Variants in TMCO4 observed in about 807,000 individuals in gnomAD.
TMCO4 encodes the protein transmembrane and coiled-coil domain-containing protein 4.
In TMCO4, 58 loss-of-function variants were observed where a neutral mutation model predicts 64.7. The observed-to-expected ratio is 0.90, with a 90% CI of 0.73 to 1.12. The LOEUF is 1.12. Among genes scored for constraint, TMCO4 ranks in the 50% most tolerant of loss-of-function variants. TMCO4 has a pLI of 0.00. For missense variants in TMCO4, 780 were observed against 825.9 expected, an observed-to-expected ratio of 0.94 and a Z score of 0.68; for synonymous variants, 325 against 346.1, an observed-to-expected ratio of 0.94 and a Z score of 0.68.
At chr1:19,700,279 C>G (rs2100611100) in intron 14 of TMCO4, among the ~76,000 whole-genome samples, 1 of 152,278 alleles carries the variant, frequency 6.6e-6, no homozygotes, top group Admixed American at 6.5e-5. Context: ...CTCCTGCACG[C>G]TGGCGGCCTC....
At chr1:19,696,264 C>T (rs1012093355) in intron 14 of TMCO4, among the ~76,000 whole-genome samples, 2 of 152,156 alleles carry the variant, frequency 1.3e-5, no homozygotes, top group Non-Finnish European at 2.9e-5. Context: ...TAAGAATGGA[C>T]GGTTGCAGGG....
At chr1:19,706,940 C>T (rs1011519305) in intron 13 of TMCO4, among the ~76,000 whole-genome samples, 1 of 152,122 alleles carries the variant, frequency 6.6e-6, no homozygotes, top group Non-Finnish European at 1.5e-5. Flanking sequence ...CTATATATGT[C>T]CTAAAAATCA....
At chr1:19,796,686 T>C (rs1257349112) in intron 2 of TMCO4, among the ~76,000 whole-genome samples, 5 of 152,142 alleles carry the variant, frequency 3.3e-5, no homozygotes, top group Non-Finnish European at 7.4e-5. Context: ...GCGATTCTCC[T>C]GCCTCAGCTT....
chr1:19,755,660 C>T lies in TMCO4; in HGVS notation c.489G>A (p.Leu163=). 2 of 1,614,146 alleles carry T rather than the reference C, an allele frequency of 1.2e-6. No individual in the cohort carries two copies. Among genetic ancestry groups the T allele is most frequent in the Non-Finnish European group, 8.5e-7 (1 of 1,180,020 alleles). ...DVLEEMFLES[L]KEIKEEESEM... is the part of the protein sequence containing the mutation. ...CAGATTCCTCTTCTTTGATTTCCTT[C>T]AGGCTCTCCAGGAACATCTCTTCAA... The change falls in exon 7 of 16, where the codon CTG becomes CTA. Residue 163 remains leucine, a synonymous_variant. Coordinates refer to ENST00000294543, the MANE Select transcript of TMCO4 (RefSeq NM_181719.7).
chr1:19,683,028 C>T lies in TMCO4; in HGVS notation c.*12G>A, dbSNP rs1269885093. ...GGAGACTGGGGAAGACGGCTCAGGT[C>T]CCCTGCTGTGGTCAGTCCAGCCCCG... On this transcript the variant is annotated 3_prime_UTR_variant, in exon 16 of 16. Transcript: ENST00000294543. 2 of 1,545,596 alleles carry T rather than the reference C, an allele frequency of 1.3e-6. No individual in the cohort carries two copies. The highest frequency in any genetic ancestry group is 1.7e-6 in the Non-Finnish European group (2 of 1,150,198).
intron 4 of TMCO4, among the ~76,000 whole-genome samples, chr1:19,779,273 G>A (rs1462454479): frequency 6.6e-6 from 1 of 152,098 alleles, no homozygotes; most frequent in East Asian, 1.9e-4. Flanking sequence ...TGGAGCCATA[G>A]TGAGCTCCTG....
At position 19,736,632 on chromosome 1, in the gene TMCO4, ATCTGTCCAAAACCAGCAT is replaced by A. The variant is rs561303346; in HGVS notation, c.1264+722_1264+739del. ...CTCCACAGGCAGCCCCTGCTGACAG[ATCTGTCCAAAACCAGCAT>A]TCTGCCCTGGAGACCTCACCTACCC... On this transcript the variant is annotated intron_variant, in intron 13 of 15. Transcript: ENST00000294543. 5.6e-3 allele frequency among the ~76,000 whole-genome samples: 845 copies of A among 152,234 alleles called. 3 individuals carry two copies. Among genetic ancestry groups the A allele is most frequent in the Non-Finnish European group, 7.4e-3 (501 of 68,000 alleles).
At chr1:19,722,962 T>C (rs1304594074) in intron 13 of TMCO4, among the ~76,000 whole-genome samples, 1 of 152,034 alleles carries the variant, frequency 6.6e-6, no homozygotes, top group Non-Finnish European at 1.5e-5. Flanking sequence ...CTGGCCTCAT[T>C]AGTCAAGCGT....
At chr1:19,747,937 A>T (rs1174278786) in intron 7 of TMCO4, among the ~76,000 whole-genome samples, 3 of 152,192 alleles carry the variant, frequency 2.0e-5, no homozygotes, top group African/African-American at 7.2e-5. Context: ...ATTAAGTAGG[A>T]ACTCTGAACT....
intron 4 of TMCO4, among the ~76,000 whole-genome samples, chr1:19,778,016 G>A (rs1006772063): frequency 6.6e-6 from 1 of 152,128 alleles, no homozygotes; most frequent in African/African-American, 2.4e-5. Context: ...TCCAGCCTGG[G>A]TGACTGAGAC....
rs567911012 is a variant in TMCO4 at position 19,759,718 on chromosome 1, C to T, written c.383-3952G>A. ...AATATCACTTCCTTAGAGAAGCCAG[C>T]GGCTCCTGAATCAGAACAGCTCAGC... is the stretch of plus-strand genomic sequence containing the variant. On this transcript the variant is annotated intron_variant, in intron 6 of 15. Transcript: ENST00000294543. Among the ~76,000 whole-genome samples the T allele has an allele frequency of 2.2e-4, 34 of 152,304 alleles. 1 individual carries two copies. Among genetic ancestry groups the T allele is most frequent in the Admixed American group, 1.9e-3 (29 of 15,300 alleles).
At chr1:19,724,583 T>C (rs985386664) in intron 13 of TMCO4, among the ~76,000 whole-genome samples, 38 of 152,176 alleles carry the variant, frequency 2.5e-4, no homozygotes, top group African/African-American at 8.7e-4. Flanking sequence ...AGGTGTTCAA[T>C]AAATGGTAGT....
chr1:19,740,795 T>G lies in TMCO4; in HGVS notation c.1024A>C (p.Lys342Gln). ...LANMVAQEALKYTVLSGIVAA... is the reference protein window; with the variant it reads ...LANMVAQEALQYTVLSGIVAA... ...CACTTACCAGACAACACTGTGTACT[T>G]TAGGGCCTCCTGGGCCACCATGTTG... The change falls in exon 11 of 16, where the codon AAG becomes CAG. Residue 342 changes from lysine to glutamine, a missense_variant. By Grantham distance (53) the Lys-to-Gln change is moderately conservative. Coordinates refer to ENST00000294543, the MANE Select transcript of TMCO4 (RefSeq NM_181719.7). 6.2e-7 allele frequency: 1 copy of G among 1,612,968 alleles called. No individual in the cohort carries two copies. Among genetic ancestry groups the G allele is most frequent in the Non-Finnish European group, 8.5e-7 (1 of 1,179,424 alleles).
At chr1:19,701,551 G>A (rs997946623) in intron 13 of TMCO4, among the ~76,000 whole-genome samples, 1 of 152,144 alleles carries the variant, frequency 6.6e-6, no homozygotes, top group African/African-American at 2.4e-5. Context: ...ACACAGCCTG[G>A]GTTGGAACCC....
intron 14 of TMCO4, among the ~76,000 whole-genome samples, chr1:19,696,984 C>A (rs1288633366): frequency 6.6e-6 from 1 of 152,182 alleles, no homozygotes; most frequent in South Asian, 2.1e-4. Flanking sequence ...TGACCTTGGA[C>A]AGGTTGCTTG....
chr1:19,720,067 ACT>A (rs1476136073), intron 13 of TMCO4, among the ~76,000 whole-genome samples: 1 of 142,446 alleles, frequency 7.0e-6, no homozygotes, highest in African/African-American at 2.6e-5. Flanking sequence ...CTGGTCTTAA[ACT>A]CCTAGGCTCA....
intron 13 of TMCO4, among the ~76,000 whole-genome samples, chr1:19,733,377 G>A (rs1275470335): frequency 6.6e-6 from 1 of 152,168 alleles, no homozygotes; most frequent in East Asian, 1.9e-4. Flanking sequence ...AAGCACTGGG[G>A]ACACACACGG....
intron 13 of TMCO4, among the ~76,000 whole-genome samples, chr1:19,708,378 CT>C (rs760954289): frequency 2.0e-5 from 3 of 149,118 alleles, no homozygotes; most frequent in Admixed American, 1.3e-4. Context: ...ATTATCTTAG[CT>C]TTTTAAAAAA....
chr1:19,731,215 C>G (rs934072607), intron 13 of TMCO4, among the ~76,000 whole-genome samples: 1 of 152,188 alleles, frequency 6.6e-6, no homozygotes, highest in Non-Finnish European at 1.5e-5. Context: ...ACTGGAGGTT[C>G]TGACCCTGTG....
Sources: allele counts gnomAD v4.1 joint callset (sites outside exome capture counted in the v4.1 genomes callset), GRCh38; gene constraint gnomAD v4.1.1; transcripts MANE v1.5; gene names NCBI Gene and HGNC (gene_info 2026-07-23, HGNC 2026-07-21).